SP4: variants seen among roughly 807,000 people sequenced by gnomAD.
SP4 encodes transcription factor Sp4.
In SP4, 19 loss-of-function variants were observed where a neutral mutation model predicts 72.8. The observed-to-expected ratio is 0.26, with a 90% confidence interval of 0.18 to 0.38. The LOEUF (loss-of-function observed/expected upper bound fraction) is 0.38, where lower values mean the gene tolerates loss of function less well. Among genes scored for constraint, SP4 ranks in the 10% least tolerant of loss-of-function variants. The probability of loss-of-function intolerance (pLI) is 1.00; values close to 1 mark genes in which losing one functional copy is unlikely to be tolerated. For synonymous variants in SP4, 395 were observed against 333.1 expected, an observed-to-expected ratio of 1.19 and a Z score of -2.02; for missense variants, 1,008 against 926.3, an observed-to-expected ratio of 1.09 and a Z score of -1.14.
chr7:21,498,874 A>C (rs139100161), intron 5 of SP4, among the ~76,000 whole-genome samples: 1 of 152,134 alleles, frequency 6.6e-6, no homozygotes, highest in Non-Finnish European at 1.5e-5. Context: ...TCATGAGGTC[A>C]GGAGATCGAG....
chr7:21,487,753 A>G (rs937325975), intron 5 of SP4, among the ~76,000 whole-genome samples: 1 of 86,796 alleles, frequency 1.2e-5, no homozygotes, highest in Non-Finnish European at 2.4e-5. Flanking sequence ...GATGATGATG[A>G]TGATGATGAT....
chr7:21,461,432 C>T (rs1783976984), intron 3 of SP4, among the ~76,000 whole-genome samples: 1 of 152,190 alleles, frequency 6.6e-6, no homozygotes, highest in African/African-American at 2.4e-5. Context: ...GCCAGTGGGC[C>T]AGTACTGCTG....
At chr7:21,507,845 A>G (rs1782040716) in intron 5 of SP4, among the ~76,000 whole-genome samples, 2 of 151,656 alleles carry the variant, frequency 1.3e-5, no homozygotes, top group South Asian at 2.1e-4. Flanking sequence ...CCATGGAATC[A>G]CTTCATCCAT....
intron 5 of SP4, among the ~76,000 whole-genome samples, chr7:21,483,286 A>AT (rs1293699679): frequency 1.3e-5 from 2 of 151,468 alleles, no homozygotes; most frequent in African/African-American, 4.8e-5. Flanking sequence ...TATTTATATG[A>AT]TTTATATGTT....
chr7:21,477,066 T>C lies in SP4; in HGVS notation c.1679-13T>C, dbSNP rs756337307. 3 of 1,597,968 alleles carry C rather than the reference T, an allele frequency of 1.9e-6. No individual in the cohort carries two copies. Among genetic ancestry groups the C allele is most frequent in the Non-Finnish European group, 2.6e-6 (3 of 1,166,232 alleles). On this transcript the variant is annotated splice_polypyrimidine_tract_variant and intron_variant, in intron 3 of 5. Coordinates refer to ENST00000222584, the MANE Select transcript of SP4 (RefSeq NM_003112.5). ...AAAACATTACAATACTTCTTTTTTT[T>C]CTTCCTTTTTAGGTCAGCAGCAAGG... is the stretch of plus-strand genomic sequence containing the variant.
At chr7:21,434,938 C>T (rs1782998872) in intron 3 of SP4, among the ~76,000 whole-genome samples, 1 of 152,024 alleles carries the variant, frequency 6.6e-6, no homozygotes, top group Admixed American at 6.5e-5. Context: ...GCTTAAGCTC[C>T]TTTATTTTAA....
intron 3 of SP4, among the ~76,000 whole-genome samples, chr7:21,447,812 T>C (rs1470013434): frequency 6.6e-6 from 1 of 152,188 alleles, no homozygotes; most frequent in Admixed American, 6.5e-5. Flanking sequence ...GCCTCCCAAG[T>C]AGCTGGGACT....
chr7:21,498,890 C>G (rs1781793005), intron 5 of SP4, among the ~76,000 whole-genome samples: 1 of 151,850 alleles, frequency 6.6e-6, no homozygotes. Context: ...TCGAGACCAT[C>G]CTGGCTAACA....
intron 3 of SP4, 71 bp from the exon 4 acceptor site, chr7:21,477,008 G>T (rs533593895): frequency 4.5e-6 from 5 of 1,103,034 alleles, no homozygotes; most frequent in East Asian, 5.1e-5. Flanking sequence ...TATGCACATA[G>T]ATTTTTTTTT....
chr7:21,471,791 G>T (rs1162258695), intron 3 of SP4, among the ~76,000 whole-genome samples: 1 of 152,172 alleles, frequency 6.6e-6, no homozygotes, highest in Non-Finnish European at 1.5e-5. Context: ...CCATGATTGT[G>T]CCGCTGTACT....
chr7:21,486,904 T>G (rs565939072), intron 5 of SP4, among the ~76,000 whole-genome samples: 8 of 152,154 alleles, frequency 5.3e-5, no homozygotes, highest in African/African-American at 1.9e-4. Context: ...TTAGAGGAGT[T>G]TGGGGGGCTT....
At chr7:21,445,785 G>A (rs894374877) in intron 3 of SP4, among the ~76,000 whole-genome samples, 1 of 152,080 alleles carries the variant, frequency 6.6e-6, no homozygotes, top group Non-Finnish European at 1.5e-5. Context: ...TGAGGCCAAG[G>A]AAATCATGGT....
At chr7:21,445,232 T>A (rs979001901) in intron 3 of SP4, among the ~76,000 whole-genome samples, 2 of 152,138 alleles carry the variant, frequency 1.3e-5, no homozygotes, top group African/African-American at 4.8e-5. Flanking sequence ...TTTTCATTAA[T>A]AGTTGTAAAA....
At chr7:21,476,992 A>G in intron 3 of SP4, 87 bp from the exon 4 acceptor site, 1 of 975,238 alleles carries the variant, frequency 1.0e-6, no homozygotes, top group East Asian at 2.6e-5. Context: ...GTTAGAAAAA[A>G]TTTATTATGC....
intron 3 of SP4, among the ~76,000 whole-genome samples, chr7:21,474,323 C>A (rs1269004475): frequency 1.3e-5 from 2 of 152,150 alleles, no homozygotes; most frequent in African/African-American, 2.4e-5. Context: ...GCCAAAAATA[C>A]CTGTGTCTTC....
In SP4 at chr7:21,443,489, C is replaced by T. The variant is rs774922007; in HGVS notation, c.1678+12646C>T. Among the ~76,000 whole-genome samples the T allele has an allele frequency of 1.9e-4, 29 of 152,020 alleles. 1 individual carries two copies. The highest frequency in any genetic ancestry group is 7.3e-5 in the Non-Finnish European group (5 of 68,034). Reference sequence around the variant, plus strand: ...TAAAATTTCCAGGTTGATTCTGTCCCTCTGATATTATTATGTAGATGCCTT... The same window carrying T: ...TAAAATTTCCAGGTTGATTCTGTCCTTCTGATATTATTATGTAGATGCCTT... On this transcript the variant is annotated intron_variant, in intron 3 of 5. Transcript: ENST00000222584.
chr7:21,508,597 G>T (rs986094726), intron 5 of SP4, among the ~76,000 whole-genome samples: 6 of 152,090 alleles, frequency 3.9e-5, no homozygotes, highest in Non-Finnish European at 8.8e-5. Flanking sequence ...AAAGTGCTGG[G>T]ATTACAGGTG....
chr7:21,500,312 T>C (rs1296347834), intron 5 of SP4, among the ~76,000 whole-genome samples: 1 of 152,226 alleles, frequency 6.6e-6, no homozygotes, highest in Non-Finnish European at 1.5e-5. Flanking sequence ...GGGCTTTAAA[T>C]TTTTTATAAG....
chr7:21,489,804 C>T (rs930546313), intron 5 of SP4, among the ~76,000 whole-genome samples: 19 of 151,942 alleles, frequency 1.3e-4, no homozygotes, highest in African/African-American at 3.1e-4. Flanking sequence ...TGGATCCACC[C>T]GCCTCGGCCT....
Sources: allele counts gnomAD v4.1 joint callset (sites outside exome capture counted in the v4.1 genomes callset), GRCh38; gene constraint gnomAD v4.1.1; transcripts MANE v1.5; gene names NCBI Gene and HGNC (gene_info 2026-07-23, HGNC 2026-07-21).